FSTL5: variants seen among roughly 807,000 people sequenced by gnomAD.
FSTL5 encodes the protein follistatin like 5, also known as follistatin-related protein 5.
Under a neutral mutation model 89.1 loss-of-function variants are expected in FSTL5, and 62 were observed. The ratio of observed to expected loss-of-function variants is 0.70; its 90% CI spans 0.57 to 0.86. FSTL5 has a LOEUF of 0.86. FSTL5 is among the 40% of genes least tolerant of loss of function. The pLI is 0.00. For synonymous variants in FSTL5, 383 were observed against 346.2 expected (o/e 1.11, Z -1.18); for missense variants, 1,057 against 1,001.6 (o/e 1.06, Z -0.75).
At chr4:161,666,324 A>G (rs1008841950) in intron 6 of FSTL5, among the ~76,000 whole-genome samples, 5 of 152,224 alleles carry the variant, frequency 3.3e-5, no homozygotes, top group Non-Finnish European at 7.4e-5. Context: ...CTATGCAATT[A>G]GGAAAATGAA....
chr4:162,116,144 T>C (rs933819727), intron 1 of FSTL5, among the ~76,000 whole-genome samples: 4 of 152,124 alleles, frequency 2.6e-5, no homozygotes, highest in Non-Finnish European at 5.9e-5. Flanking sequence ...CAAAAGACTT[T>C]GAGAGCAAAT....
chr4:161,914,115 C>T (rs924361620), intron 4 of FSTL5, among the ~76,000 whole-genome samples: 4 of 152,152 alleles, frequency 2.6e-5, no homozygotes, highest in African/African-American at 7.2e-5. Context: ...CAGAATTCCA[C>T]GTGCTGTGGG....
At chr4:161,839,900 G>C (rs938062747) in intron 4 of FSTL5, among the ~76,000 whole-genome samples, 1 of 152,172 alleles carries the variant, frequency 6.6e-6, no homozygotes, top group African/African-American at 2.4e-5. Flanking sequence ...AAAGGAAAAT[G>C]TAAGTGTGAA....
intron 15 of FSTL5, among the ~76,000 whole-genome samples, chr4:161,453,632 G>C (rs116128126): frequency 2.6e-5 from 4 of 152,076 alleles, no homozygotes; most frequent in African/African-American, 9.7e-5. Context: ...GTCTGGCTCT[G>C]TTGCCGAGGC....
intron 4 of FSTL5, among the ~76,000 whole-genome samples, chr4:161,902,742 G>C (rs1459116903): frequency 1.3e-5 from 2 of 151,972 alleles, no homozygotes; most frequent in Non-Finnish European, 1.5e-5. Flanking sequence ...CCAGCTACTC[G>C]GGAAGCTGAG....
At chr4:162,059,507 T>C (rs532918825) in intron 2 of FSTL5, among the ~76,000 whole-genome samples, 1 of 152,258 alleles carries the variant, frequency 6.6e-6, no homozygotes, top group East Asian at 1.9e-4. Context: ...AAATATAATA[T>C]CTATTTGTGT....
At chr4:161,874,320 G>A (rs1385243907) in intron 4 of FSTL5, among the ~76,000 whole-genome samples, 2 of 151,642 alleles carry the variant, frequency 1.3e-5, no homozygotes, top group Non-Finnish European at 2.9e-5. Flanking sequence ...AATAATAATT[G>A]CTGTTCTGTT....
chr4:161,387,370 G>A (rs1730682399), intron 15 of FSTL5: 1 of 151,896 alleles, frequency 6.6e-6, no homozygotes, highest in East Asian at 1.9e-4. Flanking sequence ...ATAAAAATAA[G>A]AGAAATATTT....
chr4:161,565,886 G>C (rs1732781870), intron 8 of FSTL5, among the ~76,000 whole-genome samples: 1 of 150,878 alleles, frequency 6.6e-6, no homozygotes, highest in Non-Finnish European at 1.5e-5. Flanking sequence ...TATGTGTGCA[G>C]ATGTCTTTTT....
chr4:162,132,894 TTAA>T (rs938581396), intron 1 of FSTL5, among the ~76,000 whole-genome samples: 1 of 152,252 alleles, frequency 6.6e-6, no homozygotes, highest in Non-Finnish European at 1.5e-5. Context: ...CGGACCTTTG[TTAA>T]TTATTAGAAA....
chr4:161,427,803 G>T (rs1339077369), intron 15 of FSTL5, among the ~76,000 whole-genome samples: 1 of 152,126 alleles, frequency 6.6e-6, no homozygotes, highest in Admixed American at 6.5e-5. Flanking sequence ...TTTTAATCAA[G>T]AAGTTGAGGA....
rs923681113 is a variant in FSTL5, at chr4:161,986,222, A to G, written c.160+47403T>C. On this transcript the variant is annotated intron_variant, in intron 3 of 15. Coordinates refer to ENST00000306100, the MANE Select transcript of FSTL5 (RefSeq NM_020116.5). ...GTAATTTCAGTACTCACTGAAGAAC[A>G]TGGTATATAGCAAATAATATATATT... Among the ~76,000 whole-genome samples, 4 of 152,266 alleles carry G rather than the reference A, an allele frequency of 2.6e-5. No homozygotes were observed. In the East Asian group the frequency reaches 7.7e-4, roughly 29 times the overall value.
At chr4:161,986,781 C>G (rs956343963) in intron 3 of FSTL5, among the ~76,000 whole-genome samples, 9 of 152,160 alleles carry the variant, frequency 5.9e-5, no homozygotes, top group African/African-American at 2.2e-4. Context: ...AAGCGGGTGG[C>G]ACAGATCACC....
chr4:161,738,772 C>A (rs1481085770), intron 6 of FSTL5, among the ~76,000 whole-genome samples: 2 of 152,104 alleles, frequency 1.3e-5, no homozygotes, highest in Non-Finnish European at 2.9e-5. Flanking sequence ...TATTAAACTA[C>A]AAAATAAACC....
rs183285579 is a variant in FSTL5 at position 161,473,403 on chromosome 4, T to C, written c.1608+7617A>G. ...TATTGATTTTTTTATTAATAAATTA[T>C]CTCCCTCTTTGTCTCTTGTAATTTT... On this transcript the variant is annotated intron_variant, in intron 13 of 15. Transcript: ENST00000306100. Among the ~76,000 whole-genome samples the C allele has an allele frequency of 7.3e-4, 110 of 150,184 alleles. 4 individuals are homozygous for C. The East Asian group carries it at 0.019, about 26-fold the overall frequency.
intron 2 of FSTL5, among the ~76,000 whole-genome samples, chr4:162,107,948 A>T (rs1445268270): frequency 6.6e-6 from 1 of 152,158 alleles, no homozygotes; most frequent in Non-Finnish European, 1.5e-5. Context: ...TTATTATATA[A>T]ATTACAATAA....
chr4:161,564,780 G>A (rs376023169), intron 8 of FSTL5, among the ~76,000 whole-genome samples: 8 of 151,458 alleles, frequency 5.3e-5, no homozygotes, highest in East Asian at 2.0e-4. Context: ...TGCCTATTGC[G>A]GGTGTCAGGA....
At chr4:162,052,318 A>C (rs1233638645) in intron 2 of FSTL5, among the ~76,000 whole-genome samples, 1 of 151,684 alleles carries the variant, frequency 6.6e-6, no homozygotes, top group Non-Finnish European at 1.5e-5. Flanking sequence ...AAAAAGCCTT[A>C]AGTGGCTACC....
intron 8 of FSTL5, among the ~76,000 whole-genome samples, chr4:161,578,383 T>C (rs1164866314): frequency 6.6e-6 from 1 of 151,948 alleles, no homozygotes; most frequent in Non-Finnish European, 1.5e-5. Context: ...AAATGTGACC[T>C]TAAAGTCAGA....
Sources: allele counts gnomAD v4.1 joint callset (sites outside exome capture counted in the v4.1 genomes callset), GRCh38; gene constraint gnomAD v4.1.1; transcripts MANE v1.5; gene names NCBI Gene and HGNC (gene_info 2026-07-23, HGNC 2026-07-21).